The following RYR1 variants were observed in gnomAD, a reference collection of about 807,000 sequenced individuals.
RYR1 encodes the protein central core disease of muscle.
A neutral mutation model predicts 583.5 loss-of-function variants in RYR1; 342 were observed. The observed-to-expected ratio is 0.59, with a 90% CI of 0.54 to 0.64. The LOEUF (loss-of-function observed/expected upper bound fraction) is 0.64, where lower values mean the gene tolerates loss of function less well. Among genes scored for constraint, RYR1 ranks in the 30% least tolerant of loss-of-function variants. The probability of loss-of-function intolerance (pLI) is 0.00; values close to 1 mark genes in which losing one functional copy is unlikely to be tolerated. For missense variants in RYR1, 6,032 were observed against 6,917.2 expected, an observed-to-expected ratio of 0.87 and a Z score of 4.54; for synonymous variants, 2,791 against 2,822.5, an observed-to-expected ratio of 0.99 and a Z score of 0.35.
In RYR1 at chr19:38,523,252, G is replaced by C. The variant is rs1159315581; in HGVS notation, c.10383G>C (p.Gln3461His). 2 of 1,614,076 alleles carry C rather than the reference G, an allele frequency of 1.2e-6. No homozygotes were observed. The highest frequency in any genetic ancestry group is 1.3e-5 in the African/African-American group (1 of 74,924). Residue 3461 changes from glutamine to histidine, a missense_variant, in exon 69 of 106, where the codon CAG becomes CAC. Transcript: ENST00000359596. Reference sequence around the variant, plus strand: ...GCGAGGAGCAGAACTTTGTGGTCCAGAATGAGATCAACAACATGTCCTTCC... The same window carrying C: ...GCGAGGAGCAGAACTTTGTGGTCCACAATGAGATCAACAACATGTCCTTCC... ...FKREEQNFVV[Q>H]NEINNMSFLT...
intron 89 of RYR1, among the ~76,000 whole-genome samples, chr19:38,555,231 G>A (rs1159382054): frequency 6.6e-6 from 1 of 152,050 alleles, no homozygotes; most frequent in Non-Finnish European, 1.5e-5. Flanking sequence ...AGAGTGGACT[G>A]TTTGAGTCCA....
At chr19:38,504,070 T>C in intron 49 of RYR1, 150 bp from the exon 50 acceptor site, 1 of 871,458 alleles carries the variant, frequency 1.1e-6, no homozygotes, top group Non-Finnish European at 1.8e-6. Context: ...AAACATACCA[T>C]TTCTTCCCTT....
intron 76 of RYR1, among the ~76,000 whole-genome samples, chr19:38,530,666 A>G (rs1405838319): frequency 6.6e-6 from 1 of 152,082 alleles, no homozygotes; most frequent in Non-Finnish European, 1.5e-5. Context: ...GGGTCTTTCT[A>G]GCTTTCTGCT....
At chr19:38,485,174 G>C (rs1969218182) in intron 33 of RYR1, among the ~76,000 whole-genome samples, 1 of 152,196 alleles carries the variant, frequency 6.6e-6, no homozygotes, top group East Asian at 1.9e-4. Flanking sequence ...AACACATCTT[G>C]GAAACATCAG....
chr19:38,509,678 C>T (rs1970642336), intron 58 of RYR1, among the ~76,000 whole-genome samples: 1 of 151,932 alleles, frequency 6.6e-6, no homozygotes, highest in Non-Finnish European at 1.5e-5. Flanking sequence ...AGGATGGTCT[C>T]GATCTCCTGA....
rs2145561863 is a variant in RYR1, at chr19:38,490,113, T to G, written c.5852T>G (p.Leu1951Arg). Residue 1951 changes from leucine (L) to arginine (R), a missense_variant, in exon 36 of 106, where the codon CTG becomes CGG. This residue lies in a region of RYR1 where 2,627 missense variants were observed against 2,961.3 expected (regional missense o/e 0.89). Transcript: ENST00000359596. ...HLLEYFCDQE[L>R]QHRVESLAAF... ...CTGGAGTATTTCTGTGACCAAGAGC[T>G]GCAGCACCGTGTGGAGTCCCTGGCA... 1 of 1,614,196 alleles carries G rather than the reference T, an allele frequency of 6.2e-7. No homozygotes were observed. The highest frequency in any genetic ancestry group is 1.1e-5 in the South Asian group (1 of 91,090).
At chr19:38,550,971 A>ATTTCATT (rs1972638884) in intron 89 of RYR1, among the ~76,000 whole-genome samples, 1 of 123,844 alleles carries the variant, frequency 8.1e-6, no homozygotes, top group East Asian at 2.5e-4. Flanking sequence ...CTTCTTGTCC[A>ATTTCATT]TTTCATTTCA....
Position 38,511,029 on chromosome 19 carries a change from C to T in RYR1, c.9122+248C>T, listed in dbSNP as rs140113890. On this transcript the variant is annotated intron_variant, in intron 60 of 105. Coordinates refer to ENST00000359596, the MANE Select transcript of RYR1 (RefSeq NM_000540.3). ...GCCAACTCAAGGCCGGGCGTGGTGG[C>T]TCATGCCTGTAATTCCAACACTTTG... 1.2e-3 allele frequency among the ~76,000 whole-genome samples: 185 copies of T among 152,250 alleles called. 1 individual carries two copies. The highest frequency in any genetic ancestry group is 4.3e-3 in the African/African-American group (179 of 41,556).
In RYR1 at chr19:38,506,505, A is replaced by T. The variant is rs761099418; in HGVS notation, c.8651A>T (p.Asn2884Ile). The T allele has an allele frequency of 1.2e-6, 2 of 1,613,954 alleles. No homozygotes were observed. Among genetic ancestry groups the T allele is most frequent in the Admixed American group, 3.3e-5 (2 of 60,014 alleles). ...GAACAACTGGCAGAAAATTACCACA[A>T]CACGTGGGGACGGAAGAAGAAGCAG... ...MAEQLAENYH[N>I]TWGRKKKQEL... The change falls in exon 56 of 106, where the codon AAC becomes ATC. Residue 2884 changes from asparagine to isoleucine, a missense_variant. Transcript: ENST00000359596.
Position 38,580,420 on chromosome 19 carries a change from G to A in RYR1, c.14562G>A (p.Val4854=). The change falls in exon 101 of 106, where the codon GTG becomes GTA. Residue 4854 remains valine, a synonymous_variant. Transcript: ENST00000359596. Reference sequence around the variant, plus strand: ...CGGTGGTCGTCTACCTGTACACCGTGGTGGCCTTCAACTTCTTCCGCAAGT... The same window carrying A: ...CGGTGGTCGTCTACCTGTACACCGTAGTGGCCTTCAACTTCTTCCGCAAGT... ...LLAVVVYLYT[V]VAFNFFRKFY... 1 of 1,614,136 alleles carries A rather than the reference G, an allele frequency of 6.2e-7. No homozygotes were observed. The highest frequency in any genetic ancestry group is 1.1e-5 in the South Asian group (1 of 91,080).
rs1448949048 is a variant in RYR1 at position 38,499,642 on chromosome 19, C to T, written c.7035C>T (p.Ser2345=). The part of the protein sequence containing the change: ...LRFAVFVNGE[S]VEENANVVVR... ...CCCCATGCGGGTGGCCAGGCGAGAG[C>T]GTGGAGGAGAACGCCAATGTGGTGG... Residue 2345 remains serine, a synonymous_variant, in exon 44 of 106, where the codon AGC becomes AGT. Transcript: ENST00000359596. This position sits in a 1 kb window ranked among gnomAD's most constrained non-coding sequence, Gnocchi z 7.3. 1.9e-6 allele frequency: 3 copies of T among 1,597,868 alleles called. No individual in the cohort carries two copies. Among genetic ancestry groups the T allele is most frequent in the Non-Finnish European group, 1.7e-6 (2 of 1,179,864 alleles).
In RYR1 at chr19:38,489,171, C is replaced by T. The variant is rs1372270477; in HGVS notation, c.5548-6C>T. ...CACAGTGAAGAACCGAGACTTTGTC[C>T]TGTAGGTGATGGGCATCTTTGGCGA... On this transcript the variant is annotated splice_polypyrimidine_tract_variant and splice_region_variant and intron_variant, in intron 34 of 105. Transcript: ENST00000359596. 2 of 1,614,024 alleles carry T rather than the reference C, an allele frequency of 1.2e-6. No homozygotes were observed.
At chr19:38,447,220 G>A (rs1972986597) in intron 9 of RYR1, among the ~76,000 whole-genome samples, 2 of 108,348 alleles carry the variant, frequency 1.8e-5, no homozygotes, top group Admixed American at 2.1e-4. Flanking sequence ...GCAAGATCCT[G>A]TCTCAAACAA....
At chr19:38,538,074 C>T (rs952243176) in intron 84 of RYR1, 114 bp downstream of exon 84, 8 of 947,134 alleles carry the variant, frequency 8.4e-6, no homozygotes, top group Non-Finnish European at 1.2e-5. Context: ...TGGCCACTCT[C>T]CAGCCAGTGT....
chr19:38,440,613 G>C, intron 1 of RYR1, 132 bp from the exon 2 acceptor site: 1 of 937,438 alleles, frequency 1.1e-6, no homozygotes, highest in South Asian at 1.6e-5. Context: ...CAGGTAGAGG[G>C]CTTGGGTGGG....
intron 1 of RYR1, among the ~76,000 whole-genome samples, chr19:38,438,897 C>T (rs1214436351): frequency 1.3e-5 from 2 of 152,006 alleles, no homozygotes; most frequent in Admixed American, 6.6e-5. Flanking sequence ...GGATTACAGG[C>T]GTGAGCCGCC....
At chr19:38,532,906 C>T (rs1021936598) in intron 78 of RYR1, among the ~76,000 whole-genome samples, 170 bp downstream of exon 78, 1 of 152,130 alleles carries the variant, frequency 6.6e-6, no homozygotes, top group Non-Finnish European at 1.5e-5. Flanking sequence ...ACGGAGTGTA[C>T]ACCATGGTCA....
At chr19:38,464,821 G>A (rs1359167125) in intron 23 of RYR1, 99 bp downstream of exon 23, 4 of 1,059,076 alleles carry the variant, frequency 3.8e-6, no homozygotes, top group East Asian at 2.6e-5. Context: ...GGGAGGCTGA[G>A]GTTAGGGAGG....
At chr19:38,503,772 C>CA (rs11375717) in intron 49 of RYR1, among the ~76,000 whole-genome samples, 19,783 of 129,446 alleles carry the variant, frequency 0.15, 1,430 homozygotes, top group Admixed American at 0.2. Flanking sequence ...GACTCCACCT[C>CA]AAAAAAAAAA....
Sources: gnomAD v4.1 joint callset for allele counts (sites outside exome capture counted in the v4.1 genomes callset) on GRCh38, gnomAD v4.1.1 for gene constraint, gnomAD v4.1.1 regional missense constraint, Gnocchi (gnomAD v3.1) non-coding constraint, MANE v1.5 for transcripts, NCBI Gene and HGNC (gene_info 2026-07-23, HGNC 2026-07-21) for gene names.